ATRNL1: variants seen among roughly 807,000 people sequenced by gnomAD.
ATRNL1 encodes attractin like 1.
In ATRNL1, 95 loss-of-function variants were observed where a neutral mutation model predicts 182.7. That is an observed-to-expected ratio of 0.52 (90% CI 0.44 to 0.62). ATRNL1 has a LOEUF of 0.62. Among genes scored for constraint, ATRNL1 ranks in the 20% least tolerant of loss-of-function variants. The pLI, the probability that ATRNL1 is intolerant of heterozygous loss-of-function variation, is 0.00. For synonymous variants in ATRNL1, 576 were observed against 568.3 expected, an observed-to-expected ratio of 1.01 and a Z score of -0.19; for missense variants, 1,471 against 1,679.5, an observed-to-expected ratio of 0.88 and a Z score of 2.17.
chr10:115,141,274 A>G (rs1554877941), intron 5 of ATRNL1, among the ~76,000 whole-genome samples: 1 of 152,132 alleles, frequency 6.6e-6, no homozygotes, highest in African/African-American at 2.4e-5. Flanking sequence ...GATGTTTTAT[A>G]AGGTTATTAC....
At chr10:115,865,422 A>G (rs1951417896) in intron 28 of ATRNL1, among the ~76,000 whole-genome samples, 1 of 152,192 alleles carries the variant, frequency 6.6e-6, no homozygotes, top group Admixed American at 6.5e-5. Flanking sequence ...GTCATATTCC[A>G]AAGTTCAATC....
chr10:115,712,626 G>A (rs542919315), intron 26 of ATRNL1, among the ~76,000 whole-genome samples: 1 of 152,146 alleles, frequency 6.6e-6, no homozygotes, highest in East Asian at 1.9e-4. Context: ...TAGCACTTTG[G>A]GAGGCCAAGG....
intron 25 of ATRNL1, among the ~76,000 whole-genome samples, chr10:115,529,693 TTTAC>T (rs2031555262): frequency 6.6e-6 from 1 of 152,074 alleles, no homozygotes; most frequent in Admixed American, 6.6e-5. Context: ...CTTCAAAACT[TTTAC>T]TTATCATTGT....
intron 1 of ATRNL1, among the ~76,000 whole-genome samples, chr10:115,119,274 A>G (rs909797946): frequency 6.6e-6 from 1 of 152,098 alleles, no homozygotes; most frequent in Non-Finnish European, 1.5e-5. Context: ...CCCCTAATGT[A>G]TTTAAGGCTC....
intron 26 of ATRNL1, among the ~76,000 whole-genome samples, chr10:115,724,309 A>C (rs1447595057): frequency 6.6e-6 from 1 of 152,176 alleles, no homozygotes; most frequent in Non-Finnish European, 1.5e-5. Context: ...CAACTGTCTC[A>C]TAAATTTGCA....
At chr10:115,890,965 T>C (rs891651359) in intron 28 of ATRNL1, among the ~76,000 whole-genome samples, 1 of 152,182 alleles carries the variant, frequency 6.6e-6, no homozygotes, top group African/African-American at 2.4e-5. Context: ...AGATGCCGAC[T>C]GGGGACTCAT....
intron 26 of ATRNL1, among the ~76,000 whole-genome samples, chr10:115,555,401 A>G (rs1853255007): frequency 6.6e-6 from 1 of 151,940 alleles, no homozygotes; most frequent in Admixed American, 6.6e-5. Flanking sequence ...ATACTCATAT[A>G]TAGACACTTA....
chr10:115,897,772 G>A (rs1205823966), intron 28 of ATRNL1, among the ~76,000 whole-genome samples: 2 of 152,152 alleles, frequency 1.3e-5, no homozygotes, highest in Non-Finnish European at 2.9e-5. Flanking sequence ...AGAAAACACA[G>A]TGCGGATCAT....
chr10:115,810,292 G>A (rs1270747617), intron 27 of ATRNL1, among the ~76,000 whole-genome samples: 3 of 151,846 alleles, frequency 2.0e-5, no homozygotes, highest in African/African-American at 7.2e-5. Context: ...AATAATGCTG[G>A]TTTCATGAAA....
At chr10:115,699,623 G>A (rs1218764382) in intron 26 of ATRNL1, among the ~76,000 whole-genome samples, 7 of 151,974 alleles carry the variant, frequency 4.6e-5, no homozygotes, top group Non-Finnish European at 1.0e-4. Context: ...AAGATATAAA[G>A]GACCATTCAC....
intron 26 of ATRNL1, among the ~76,000 whole-genome samples, chr10:115,614,668 G>T (rs1251218281): frequency 6.6e-6 from 1 of 151,996 alleles, no homozygotes; most frequent in Non-Finnish European, 1.5e-5. Context: ...ATTGGTCTTT[G>T]ATTAATATTT....
In ATRNL1 at chr10:115,592,038, G is replaced by T. The variant is rs550085138; in HGVS notation, c.3795+42502G>T. On this transcript the variant is annotated intron_variant, in intron 26 of 28. Transcript: ENST00000355044. ...CTGTGCAGCAGCATGTATGTAGCTG[G>T]TGGCCATTTTCCTAAGCTAATTAGC... 8.5e-5 allele frequency among the ~76,000 whole-genome samples: 13 copies of T among 152,278 alleles called. No homozygotes were observed. The South Asian group carries it at 2.5e-3, about 29-fold the overall frequency.
At chr10:115,391,047 G>C (rs1449530878) in intron 19 of ATRNL1, among the ~76,000 whole-genome samples, 2 of 151,950 alleles carry the variant, frequency 1.3e-5, no homozygotes, top group African/African-American at 4.8e-5. Context: ...TATTTTTGGG[G>C]GAATCTTTAG....
chr10:115,138,506 G>T (rs534239085), intron 5 of ATRNL1, among the ~76,000 whole-genome samples: 207 of 152,332 alleles, frequency 1.4e-3, no homozygotes, highest in African/African-American at 4.8e-3. Flanking sequence ...TGACTTGCAT[G>T]TACCTGAAGG....
chr10:115,261,674 T>G (rs1457070305), intron 10 of ATRNL1, among the ~76,000 whole-genome samples: 1 of 152,144 alleles, frequency 6.6e-6, no homozygotes, highest in Non-Finnish European at 1.5e-5. Context: ...AATAAAAATG[T>G]AGTATGCTAC....
chr10:115,621,644 ATG>A (rs1857777874), intron 26 of ATRNL1, among the ~76,000 whole-genome samples: 2 of 152,078 alleles, frequency 1.3e-5, no homozygotes, highest in South Asian at 4.1e-4. Flanking sequence ...CAGTTTAAAA[ATG>A]TGTACAAGAA....
At chr10:115,656,683 T>C (rs1403968593) in intron 26 of ATRNL1, among the ~76,000 whole-genome samples, 6 of 152,208 alleles carry the variant, frequency 3.9e-5, no homozygotes, top group Admixed American at 3.9e-4. Flanking sequence ...TTTACTATAG[T>C]CATGCAAGTG....
intron 25 of ATRNL1, among the ~76,000 whole-genome samples, chr10:115,549,211 C>T (rs1807564646): frequency 6.6e-6 from 1 of 151,902 alleles, no homozygotes; most frequent in Non-Finnish European, 1.5e-5. Context: ...AATTTACATT[C>T]CTTCTGACAG....
intron 21 of ATRNL1, among the ~76,000 whole-genome samples, chr10:115,435,554 G>A (rs1193032001): frequency 6.6e-6 from 1 of 152,098 alleles, no homozygotes; most frequent in African/African-American, 2.4e-5. Context: ...TGTTATAGCA[G>A]CACAAAACAG....
Sources: allele counts gnomAD v4.1 joint callset (sites outside exome capture counted in the v4.1 genomes callset), GRCh38; gene constraint gnomAD v4.1.1; transcripts MANE v1.5; gene names NCBI Gene and HGNC (gene_info 2026-07-23, HGNC 2026-07-21).